The following OR1L8 variants were observed in gnomAD, a reference collection of about 807,000 sequenced individuals.
OR1L8 encodes the protein olfactory receptor 1L8.
For missense variants in OR1L8, 330 were observed against 377.4 expected (o/e 0.87, Z 1.04); for synonymous variants, 148 against 147.0 (o/e 1.01, Z -0.05).
the OR1L8 span, among the ~76,000 whole-genome samples, chr9:122,558,310 G>GTTTTTTTTTTT: frequency 4.1e-5 from 1 of 24,210 alleles, no homozygotes. Flanking sequence ...TTTGGATTTT[G>GTTTTTTTTTTT]CTTTTTTTTT....
Position 122,567,415 on chromosome 9 carries a change from T to C in OR1L8, c.*133A>G. ...TTGGGTCATCATCAATGGATGTAAG[T>C]GCCCACAATAGCCTTGTCTCACATG... On this transcript the variant is annotated 3_prime_UTR_variant, in exon 5 of 5. Transcript: ENST00000641027. 1.6e-6 allele frequency: 1 copy of C among 619,904 alleles called. No individual in the cohort carries two copies. Among genetic ancestry groups the C allele is most frequent in the Non-Finnish European group, 2.8e-6 (1 of 361,166 alleles). The allele number at this position is 619,904 out of a possible 1,614,324, so 38.4% of individuals were successfully genotyped here. A position where few individuals can be genotyped will look rare whatever the true frequency, so the allele number is the denominator to read the frequency against.
At chr9:122,550,456 A>G in the OR1L8 span, among the ~76,000 whole-genome samples, 1 of 152,302 alleles carries the variant, frequency 6.6e-6, no homozygotes, top group East Asian at 1.9e-4. Flanking sequence ...AAAGAAAACT[A>G]CAGACCAATA....
intron 4 of OR1L8, among the ~76,000 whole-genome samples, chr9:122,570,330 C>T (rs1829521788): frequency 6.6e-6 from 1 of 152,220 alleles, no homozygotes; most frequent in African/African-American, 2.4e-5. Context: ...TCCACATCCT[C>T]TCCAGCATCT....
At chr9:122,570,082 T>A (rs899044048) in intron 4 of OR1L8, among the ~76,000 whole-genome samples, 1 of 149,462 alleles carries the variant, frequency 6.7e-6, no homozygotes, top group African/African-American at 2.5e-5. Flanking sequence ...TCTATCATTG[T>A]TGGACATTTG....
chr9:122,569,373 T>C, intron 4 of OR1L8, among the ~76,000 whole-genome samples: 1 of 152,198 alleles, frequency 6.6e-6, no homozygotes, highest in Non-Finnish European at 1.5e-5. Flanking sequence ...TTGGTATATA[T>C]ATTTTTCATC....
chr9:122,567,689 G>A lies in OR1L8; in HGVS notation c.789C>T (p.Pro263=), dbSNP rs1829455039. The A allele has an allele frequency of 1.2e-6, 2 of 1,614,100 alleles. No homozygotes were observed. Among genetic ancestry groups the A allele is most frequent in the Non-Finnish European group, 1.7e-6 (2 of 1,180,010 alleles). ...GGTCCTTGACAGCGTAGGTGGATGG[G>A]GGCTGTAAATAGACACAGAAGATGC... The part of the protein sequence containing the change: ...YGSIFCVYLQ[P]PSTYAVKDHV... Residue 263 remains proline (P), a synonymous_variant, in exon 5 of 5, where the codon CCC becomes CCT. Coordinates refer to ENST00000641027, the MANE Select transcript of OR1L8 (RefSeq NM_001004454.2).
downstream of OR1L8, among the ~76,000 whole-genome samples, chr9:122,562,796 T>C (rs926637574): frequency 1.1e-4 from 17 of 152,094 alleles, no homozygotes; most frequent in African/African-American, 4.1e-4. Flanking sequence ...GCTTATTTTA[T>C]TTAACATAAT....
chr9:122,575,055 G>C (rs76338741), intron 3 of OR1L8, among the ~76,000 whole-genome samples: 4 of 151,976 alleles, frequency 2.6e-5, no homozygotes, highest in Non-Finnish European at 5.9e-5. Context: ...ATTAAACTTG[G>C]TTGTGATGTA....
intron 4 of OR1L8, among the ~76,000 whole-genome samples, chr9:122,570,162 C>A (rs1829517523): frequency 6.7e-6 from 1 of 149,342 alleles, no homozygotes; most frequent in African/African-American, 2.5e-5. Context: ...GTCTTTATAG[C>A]AGCATGATTT....
chr9:122,570,820 CAA>C (rs141677356), intron 4 of OR1L8, among the ~76,000 whole-genome samples: 22,031 of 152,026 alleles, frequency 0.14, 1,734 homozygotes, highest in East Asian at 0.25. Flanking sequence ...ATAATATTAA[CAA>C]ATATTTATTG....
the OR1L8 span, among the ~76,000 whole-genome samples, chr9:122,550,354 C>G: frequency 2.6e-5 from 4 of 152,192 alleles, no homozygotes; most frequent in African/African-American, 9.6e-5. Context: ...TCCTGAAACT[C>G]TTCCAAAAAA....
chr9:122,582,015 GGGAGGA>G (rs1207795929), intron 1 of OR1L8, among the ~76,000 whole-genome samples: 2 of 152,152 alleles, frequency 1.3e-5, no homozygotes, highest in Non-Finnish European at 2.9e-5. Flanking sequence ...TCAAAGCATG[GGGAGGA>G]GATCATGGTA....
At chr9:122,560,020 G>C in the OR1L8 span, among the ~76,000 whole-genome samples, 1 of 152,058 alleles carries the variant, frequency 6.6e-6, no homozygotes, top group Non-Finnish European at 1.5e-5. Flanking sequence ...TCCTGTATTG[G>C]GTGCAAATAT....
Position 122,568,375 on chromosome 9 carries a change from C to A in OR1L8, c.103G>T (p.Val35Leu), listed in dbSNP as rs149595522. The change falls in exon 5 of 5, where the codon GTG (valine) becomes TTG (leucine). Residue 35 changes from valine (V) to leucine (L), a missense_variant. Coordinates refer to ENST00000641027, the MANE Select transcript of OR1L8 (RefSeq NM_001004454.2). ...QKTLFVLFLI[V>L]YLVTITGNLL... The stretch of plus-strand genomic sequence containing the variant: ...TTCCCTGTTATGGTGACCAGGTACA[C>A]GATGAGGAAGAGAACAAAGAGTGTC... 237 of 1,613,732 alleles carry A rather than the reference C, an allele frequency of 1.5e-4. No individual in the cohort carries two copies. The highest frequency in any genetic ancestry group is 1.3e-3 in the South Asian group (118 of 91,062).
At chr9:122,555,727 G>C in the OR1L8 span, among the ~76,000 whole-genome samples, 2 of 152,114 alleles carry the variant, frequency 1.3e-5, no homozygotes, top group Non-Finnish European at 2.9e-5. Flanking sequence ...TAAATATATA[G>C]ACTTTACTCT....
At chr9:122,553,577 A>G in the OR1L8 span, 6 of 1,614,100 alleles carry the variant, frequency 3.7e-6, no homozygotes, top group Non-Finnish European at 4.2e-6. Flanking sequence ...CTGTGATGGC[A>G]TATGACCGCT....
the OR1L8 span, chr9:122,553,480 C>G: frequency 6.2e-7 from 1 of 1,614,100 alleles, no homozygotes; most frequent in Non-Finnish European, 8.5e-7. Context: ...AACATTCATA[C>G]CCAGAGTCAG....
intron 1 of OR1L8, among the ~76,000 whole-genome samples, chr9:122,579,047 AT>A (rs201388458): frequency 1.6e-4 from 24 of 152,218 alleles, no homozygotes; most frequent in African/African-American, 5.1e-4. Context: ...TTAAAAAAAA[AT>A]AGAAAGTCAT....
chr9:122,577,614 C>T (rs956669538), intron 2 of OR1L8, among the ~76,000 whole-genome samples: 8 of 151,954 alleles, frequency 5.3e-5, no homozygotes, highest in Non-Finnish European at 8.8e-5. Context: ...ATTTTTTCAC[C>T]AATCATATTA....
Sources: allele counts gnomAD v4.1 joint callset (sites outside exome capture counted in the v4.1 genomes callset), GRCh38; gene constraint gnomAD v4.1.1; transcripts MANE v1.5; gene names NCBI Gene and HGNC (gene_info 2026-07-23, HGNC 2026-07-21).